IL27RA: variants seen among roughly 807,000 people sequenced by gnomAD.
IL27RA encodes interleukin-27 receptor subunit alpha.
A neutral mutation model predicts 80.8 loss-of-function variants in IL27RA; 61 were observed. The ratio of observed to expected loss-of-function variants is 0.76; its 90% CI spans 0.61 to 0.93. IL27RA has a LOEUF of 0.93. Ranked by LOEUF, IL27RA falls within the 40% of genes least tolerant of loss-of-function variation. The pLI, the probability that IL27RA is intolerant of heterozygous loss-of-function variation, is 0.00. For missense variants in IL27RA, 735 were observed against 808.1 expected (o/e 0.91, Z 1.10); for synonymous variants, 316 against 332.5 (o/e 0.95, Z 0.54).
chr19:14,042,773 C>T lies in IL27RA; in HGVS notation c.752C>T (p.Pro251Leu). The T allele has an allele frequency of 1.2e-6, 2 of 1,614,070 alleles. No homozygotes were observed. The highest frequency in any genetic ancestry group is 1.7e-6 in the Non-Finnish European group (2 of 1,179,976). The change falls in exon 6 of 14, where the codon CCT becomes CTT. Residue 251 changes from proline to leucine, a missense_variant. Physicochemically the swap from Pro to Leu is moderately conservative, Grantham distance 98. Transcript: ENST00000263379. ...TGTGGGACGCCTGGAGGAGAGGAACCTTTGCTTCTATGGAAGGTGAGCTTC... is the reference window on the plus strand; with the variant it reads ...TGTGGGACGCCTGGAGGAGAGGAACTTTTGCTTCTATGGAAGGTGAGCTTC... ...NLCGTPGGEE[P>L]LLLWKAPGPC...
Position 14,052,431 on chromosome 19 carries a change from C to A in IL27RA, c.*141C>A. The A allele has an allele frequency of 1.6e-6, 1 of 641,996 alleles. No homozygotes were observed. The highest frequency in any genetic ancestry group is 2.5e-6 in the Non-Finnish European group (1 of 404,740). 39.8% of individuals were successfully genotyped at this position (641,996 alleles called of 1,614,324 possible). A position where few individuals can be genotyped will look rare whatever the true frequency, so the allele number is the denominator to read the frequency against. ...GAGTCACTTACCTGAGGACACCCAG[C>A]CAGGCAGAGCTGGGATTGAAGGACC... On this transcript the variant is annotated 3_prime_UTR_variant, in exon 14 of 14. Transcript: ENST00000263379.
At chr19:14,038,246 G>A (rs1016301823) in intron 2 of IL27RA, among the ~76,000 whole-genome samples, 3 of 151,884 alleles carry the variant, frequency 2.0e-5, no homozygotes, top group African/African-American at 7.3e-5. Context: ...GGGCTCAATC[G>A]ATCCTCCCAC....
chr19:14,034,988 C>T (rs1014038322), intron 2 of IL27RA, among the ~76,000 whole-genome samples: 1 of 149,970 alleles, frequency 6.7e-6, no homozygotes, highest in Non-Finnish European at 1.5e-5. Context: ...TAAAACTTAA[C>T]GATATTTTTA....
intron 2 of IL27RA, among the ~76,000 whole-genome samples, chr19:14,034,658 TA>T (rs75758451): frequency 0.37 from 44,176 of 119,026 alleles, 8,948 homozygotes; most frequent in African/African-American, 0.63. Context: ...AGACTCTGTC[TA>T]AAAAAAAAAA....
At chr19:14,040,826 T>C (rs1975978804) in intron 4 of IL27RA, among the ~76,000 whole-genome samples, 1 of 149,056 alleles carries the variant, frequency 6.7e-6, no homozygotes, top group African/African-American at 2.5e-5. Flanking sequence ...CAAGACTCCG[T>C]CTCAAAAAAA....
intron 4 of IL27RA, among the ~76,000 whole-genome samples, chr19:14,042,069 C>T (rs923215959): frequency 2.6e-5 from 4 of 152,100 alleles, no homozygotes; most frequent in South Asian, 2.1e-4. Context: ...CATGGTGGCG[C>T]GTGCCTGTAA....
intron 6 of IL27RA, among the ~76,000 whole-genome samples, chr19:14,044,733 C>T (rs2145692654): frequency 6.6e-6 from 1 of 151,990 alleles, no homozygotes; most frequent in Admixed American, 6.6e-5. Flanking sequence ...TACCTGTAAT[C>T]CCAGCACTTT....
In IL27RA at chr19:14,043,059, T is replaced by C. The variant is rs969796261; in HGVS notation, c.768+270T>C. Among the ~76,000 whole-genome samples the C allele has an allele frequency of 5.9e-5, 9 of 151,902 alleles. No homozygotes were observed. The South Asian group carries it at 1.4e-3, about 24-fold the overall frequency. On this transcript the variant is annotated intron_variant, in intron 6 of 13. Transcript: ENST00000263379. ...CTGGAGGCTGAGGCAGAAGAATCAC[T>C]TGAACCCAGGAGGTGAAGGTTGCAG...
At chr19:14,043,015 G>A (rs371020718) in intron 6 of IL27RA, among the ~76,000 whole-genome samples, 10 of 151,994 alleles carry the variant, frequency 6.6e-5, no homozygotes, top group Middle Eastern at 3.4e-3. Context: ...GGTCGTGGGC[G>A]CCTGTAATCC....
At chr19:14,034,505 C>T (rs1022205244) in intron 2 of IL27RA, among the ~76,000 whole-genome samples, 3 of 151,546 alleles carry the variant, frequency 2.0e-5, no homozygotes, top group African/African-American at 7.3e-5. Context: ...ACTAAAAATA[C>T]AAAAATTAGC....
At chr19:14,046,051 A>G in intron 6 of IL27RA, 103 bp from the exon 7 acceptor site, 1 of 1,100,006 alleles carries the variant, frequency 9.1e-7, no homozygotes, top group Non-Finnish European at 1.3e-6. Flanking sequence ...AAACAAACAA[A>G]AAATGCTTCA....
chr19:14,046,246 C>T lies in IL27RA; in HGVS notation c.861C>T (p.Ser287=). The T allele has an allele frequency of 6.2e-7, 1 of 1,614,156 alleles. No individual in the cohort carries two copies. The highest frequency in any genetic ancestry group is 1.6e-4 in the Middle Eastern group (1 of 6,062). The change falls in exon 7 of 14, where the codon TCC becomes TCT. Residue 287 remains serine, a synonymous_variant. Transcript: ENST00000263379. ...CAGAAGGAATTACCTGCTGCTGCTC[C>T]CTAATTCCCAGTGGGGCGGAGTGGG... ...LSPEGITCCC[S]LIPSGAEWAR...
At chr19:14,045,049 C>T (rs1439045949) in intron 6 of IL27RA, among the ~76,000 whole-genome samples, 8 of 149,248 alleles carry the variant, frequency 5.4e-5, no homozygotes, top group East Asian at 2.0e-4. Flanking sequence ...CTCCTGAACC[C>T]GGGGAGGTTG....
intron 1 of IL27RA, 125 bp downstream of exon 1, chr19:14,032,097 C>T: frequency 2.3e-6 from 2 of 879,168 alleles, no homozygotes; most frequent in South Asian, 1.7e-5. Flanking sequence ...CACTCGGCTC[C>T]TCCCGGGGCA....
intron 6 of IL27RA, among the ~76,000 whole-genome samples, chr19:14,045,069 C>T (rs959860163): frequency 3.4e-5 from 5 of 147,418 alleles, no homozygotes; most frequent in African/African-American, 1.3e-4. Flanking sequence ...GCAGTGAGCT[C>T]AGATTGCGCC....
intron 2 of IL27RA, among the ~76,000 whole-genome samples, chr19:14,034,679 C>T (rs1975872026): frequency 6.8e-6 from 1 of 147,270 alleles, no homozygotes; most frequent in African/African-American, 2.5e-5. Context: ...AAAGGCCGGG[C>T]GCGGTGGCTC....
intron 2 of IL27RA, among the ~76,000 whole-genome samples, chr19:14,039,122 T>TA (rs991563809): frequency 9.2e-5 from 14 of 151,676 alleles, no homozygotes; most frequent in African/African-American, 3.2e-4. Context: ...CCATCGCTAC[T>TA]AAAAACACAA....
intron 2 of IL27RA, among the ~76,000 whole-genome samples, chr19:14,037,819 T>TCTCG (rs933757719): frequency 6.2e-5 from 4 of 64,250 alleles, no homozygotes; most frequent in Middle Eastern, 0.013. Flanking sequence ...AGTGAGACCC[T>TCTCG]CTCGCTCTCT....
chr19:14,038,799 G>A (rs967134701), intron 2 of IL27RA, among the ~76,000 whole-genome samples: 1 of 151,608 alleles, frequency 6.6e-6, no homozygotes, highest in Non-Finnish European at 1.5e-5. Context: ...CAGGAGAATC[G>A]CTTGAACCTG....
Sources: allele counts gnomAD v4.1 joint callset (sites outside exome capture counted in the v4.1 genomes callset), GRCh38; gene constraint gnomAD v4.1.1; transcripts MANE v1.5; gene names NCBI Gene and HGNC (gene_info 2026-07-23, HGNC 2026-07-21).